Variants in PPARGC1A observed in about 807,000 individuals in gnomAD.
The protein encoded by PPARGC1A is PPARG coactivator 1 alpha.
In PPARGC1A, 25 loss-of-function variants were observed where a neutral mutation model predicts 88.7. The ratio of observed to expected loss-of-function variants is 0.28; its 90% confidence interval spans 0.21 to 0.39. The LOEUF (loss-of-function observed/expected upper bound fraction) is 0.39, where lower values mean the gene tolerates loss of function less well. PPARGC1A is among the 10% of genes least tolerant of loss of function. The pLI is 1.00. For missense variants in PPARGC1A, 880 were observed against 968.7 expected, an observed-to-expected ratio of 0.91 and a Z score of 1.22; for synonymous variants, 363 against 355.6, an observed-to-expected ratio of 1.02 and a Z score of -0.24.
the PPARGC1A span, among the ~76,000 whole-genome samples, chr4:24,063,712 A>C: frequency 6.6e-6 from 1 of 152,308 alleles, no homozygotes; most frequent in South Asian, 2.1e-4. Flanking sequence ...GGAACCAAGA[A>C]TAATGCAGGC....
At chr4:24,139,576 G>A in the PPARGC1A span, among the ~76,000 whole-genome samples, 2 of 152,154 alleles carry the variant, frequency 1.3e-5, no homozygotes, top group Non-Finnish European at 1.5e-5. Context: ...TCATCCAAAT[G>A]ATCCCATGTA....
At chr4:23,926,397 A>G in the PPARGC1A span, among the ~76,000 whole-genome samples, 1 of 152,144 alleles carries the variant, frequency 6.6e-6, no homozygotes, top group African/African-American at 2.4e-5. Flanking sequence ...AATCTTAATC[A>G]TTCTTAAGTC....
the PPARGC1A span, among the ~76,000 whole-genome samples, chr4:24,101,609 T>C: frequency 6.6e-6 from 1 of 152,338 alleles, no homozygotes; most frequent in South Asian, 2.1e-4. Flanking sequence ...TTATAAGGTA[T>C]CCATTTTTTA....
the PPARGC1A span, among the ~76,000 whole-genome samples, chr4:24,184,796 T>C: frequency 6.6e-6 from 1 of 152,132 alleles, no homozygotes; most frequent in African/African-American, 2.4e-5. Flanking sequence ...GCTAAAATCA[T>C]TTTCTAGGGT....
At chr4:23,863,252 GC>G (rs1239827163) in intron 2 of PPARGC1A, among the ~76,000 whole-genome samples, 1 of 151,952 alleles carries the variant, frequency 6.6e-6, no homozygotes, top group Non-Finnish European at 1.5e-5. Flanking sequence ...TCCTCACCAG[GC>G]CCCTGGTTGC....
chr4:24,396,842 T>C, the PPARGC1A span, among the ~76,000 whole-genome samples: 1 of 152,128 alleles, frequency 6.6e-6, no homozygotes, highest in Admixed American at 6.6e-5. Flanking sequence ...TAAAGAAGTC[T>C]ATAGACTCAA....
At chr4:24,101,628 G>C in the PPARGC1A span, among the ~76,000 whole-genome samples, 1 of 152,262 alleles carries the variant, frequency 6.6e-6, no homozygotes, top group Middle Eastern at 3.4e-3. Context: ...TAAGAAAAAT[G>C]TAAATTTATA....
intron 1 of PPARGC1A, among the ~76,000 whole-genome samples, chr4:23,896,651 A>G (rs1718637754): frequency 6.6e-6 from 1 of 152,222 alleles, no homozygotes; most frequent in Admixed American, 6.5e-5. Flanking sequence ...TTGTTTCTCA[A>G]TCTGAAATTT....
intron 2 of PPARGC1A, among the ~76,000 whole-genome samples, chr4:23,864,838 TC>T (rs1209489283): frequency 6.6e-6 from 1 of 152,124 alleles, no homozygotes; most frequent in Non-Finnish European, 1.5e-5. Flanking sequence ...ACCAAAGACC[TC>T]ATTGACAGCA....
intron 2 of PPARGC1A, among the ~76,000 whole-genome samples, chr4:23,839,389 G>C (rs1247307042): frequency 6.6e-6 from 1 of 152,150 alleles, no homozygotes; most frequent in Non-Finnish European, 1.5e-5. Flanking sequence ...GAAGAGGAAG[G>C]AACTGAGTTG....
At chr4:24,322,832 A>T in the PPARGC1A span, among the ~76,000 whole-genome samples, 3,926 of 152,304 alleles carry the variant, frequency 0.026, 174 homozygotes, top group African/African-American at 0.09. Context: ...TTGCACAGCC[A>T]TCCACAATGA....
At chr4:24,384,172 C>G in the PPARGC1A span, among the ~76,000 whole-genome samples, 14 of 152,128 alleles carry the variant, frequency 9.2e-5, no homozygotes, top group African/African-American at 3.4e-4. Flanking sequence ...CCTTTACAGA[C>G]AAGCAAATGC....
chr4:23,895,055 A>G (rs980231511), upstream of PPARGC1A, among the ~76,000 whole-genome samples: 1 of 149,664 alleles, frequency 6.7e-6, no homozygotes. Context: ...CAGAACTTCA[A>G]TACATAACAT....
the PPARGC1A span, among the ~76,000 whole-genome samples, chr4:23,912,384 G>A: frequency 1.3e-5 from 2 of 152,124 alleles, no homozygotes; most frequent in Admixed American, 6.5e-5. Context: ...AGGGTCTTAT[G>A]ATGATCCCAT....
At chr4:24,089,034 A>T in the PPARGC1A span, among the ~76,000 whole-genome samples, 20 of 152,236 alleles carry the variant, frequency 1.3e-4, no homozygotes, top group African/African-American at 4.8e-4. Context: ...TCACTCTCTC[A>T]CACACATACA....
chr4:24,356,708 C>T, the PPARGC1A span, among the ~76,000 whole-genome samples: 6 of 152,216 alleles, frequency 3.9e-5, no homozygotes, highest in African/African-American at 1.4e-4. Flanking sequence ...ACAGTAATAG[C>T]TACTCTGGCT....
the PPARGC1A span, among the ~76,000 whole-genome samples, chr4:24,404,321 A>G: frequency 6.6e-6 from 1 of 151,898 alleles, no homozygotes; most frequent in Admixed American, 6.6e-5. Context: ...GTGGCTGAGA[A>G]CAGATCAGAA....
At chr4:24,417,615 C>G in the PPARGC1A span, among the ~76,000 whole-genome samples, 1 of 152,114 alleles carries the variant, frequency 6.6e-6, no homozygotes, top group African/African-American at 2.4e-5. Context: ...TGGAAACAAC[C>G]CAAATGTCCA....
the PPARGC1A span, among the ~76,000 whole-genome samples, chr4:24,317,396 A>G: frequency 6.6e-6 from 1 of 151,772 alleles, no homozygotes; most frequent in Non-Finnish European, 1.5e-5. Context: ...AAGGTGCTAC[A>G]GTTCCATGAT....
Sources: gnomAD v4.1 joint callset for allele counts (sites outside exome capture counted in the v4.1 genomes callset) on GRCh38, gnomAD v4.1.1 for gene constraint, MANE v1.5 for transcripts, NCBI Gene and HGNC (gene_info 2026-07-23, HGNC 2026-07-21) for gene names.